The following PAK5 variants were observed in gnomAD, a reference collection of about 807,000 sequenced individuals.
The protein encoded by PAK5 is serine/threonine-protein kinase PAK 5.
In PAK5, 16 loss-of-function variants were observed where a neutral mutation model predicts 65.9. The observed-to-expected ratio is 0.24, with a 90% confidence interval of 0.16 to 0.37. PAK5 has a LOEUF of 0.37. PAK5 is among the 10% of genes least tolerant of loss of function. PAK5 has a pLI of 1.00. For missense variants in PAK5, 785 were observed against 903.9 expected (o/e 0.87, Z 1.69); for synonymous variants, 371 against 354.9 (o/e 1.05, Z -0.51).
intron 2 of PAK5, among the ~76,000 whole-genome samples, chr20:9,650,695 T>C (rs1225427888): frequency 6.6e-6 from 1 of 152,140 alleles, no homozygotes; most frequent in African/African-American, 2.4e-5. Flanking sequence ...AGGTAAACCC[T>C]TCTGGAGTGC....
At chr20:9,600,558 G>T (rs2046341797) in intron 3 of PAK5, among the ~76,000 whole-genome samples, 1 of 152,054 alleles carries the variant, frequency 6.6e-6, no homozygotes, top group Non-Finnish European at 1.5e-5. Flanking sequence ...AAGCTCTTTA[G>T]CTTCAGAGTG....
intron 2 of PAK5, among the ~76,000 whole-genome samples, chr20:9,659,786 A>G (rs2047319457): frequency 6.6e-6 from 1 of 152,152 alleles, no homozygotes; most frequent in South Asian, 2.1e-4. Context: ...GTCATTGGAT[A>G]TTGCCTTGTC....
intron 2 of PAK5, among the ~76,000 whole-genome samples, chr20:9,650,832 T>C (rs1045897217): frequency 6.6e-6 from 1 of 152,172 alleles, no homozygotes; most frequent in African/African-American, 2.4e-5. Flanking sequence ...CCACCACCCA[T>C]TAAAAGGGGC....
At chr20:9,683,686 T>C (rs944761595) in intron 2 of PAK5, among the ~76,000 whole-genome samples, 2 of 152,144 alleles carry the variant, frequency 1.3e-5, no homozygotes, top group Non-Finnish European at 2.9e-5. Context: ...CCAGGGTATT[T>C]CTTTCCTTTT....
chr20:9,664,467 T>C (rs1405756187), intron 2 of PAK5, among the ~76,000 whole-genome samples: 3 of 152,186 alleles, frequency 2.0e-5, no homozygotes, highest in East Asian at 1.9e-4. Flanking sequence ...CAACAAGGCA[T>C]ATATCAAAAA....
chr20:9,826,751 C>T (rs979742332), intron 1 of PAK5, among the ~76,000 whole-genome samples: 2 of 152,114 alleles, frequency 1.3e-5, no homozygotes, highest in Non-Finnish European at 2.9e-5. Flanking sequence ...AACATTGGTG[C>T]CGAAGACTTG....
At chr20:9,783,841 C>G (rs745731442) in intron 1 of PAK5, among the ~76,000 whole-genome samples, 2 of 152,166 alleles carry the variant, frequency 1.3e-5, no homozygotes, top group Non-Finnish European at 2.9e-5. Flanking sequence ...CAAAACAGCT[C>G]TTACCTCCCC....
intron 1 of PAK5, among the ~76,000 whole-genome samples, chr20:9,743,880 T>G (rs1209106832): frequency 6.6e-6 from 1 of 152,188 alleles, no homozygotes; most frequent in African/African-American, 2.4e-5. Context: ...CAAGTGTGAT[T>G]AAGCTCAGGA....
intron 3 of PAK5, among the ~76,000 whole-genome samples, chr20:9,613,960 G>A (rs2046610355): frequency 6.6e-6 from 1 of 152,024 alleles, no homozygotes; most frequent in Admixed American, 6.5e-5. Flanking sequence ...CAATCACAAG[G>A]CATAAAAAAA....
intron 2 of PAK5, among the ~76,000 whole-genome samples, chr20:9,657,377 T>G (rs1306217651): frequency 6.6e-6 from 1 of 152,178 alleles, no homozygotes; most frequent in East Asian, 1.9e-4. Context: ...TGTACCATAC[T>G]TTGTTTAACC....
At chr20:9,774,251 C>T (rs1445975081) in intron 1 of PAK5, among the ~76,000 whole-genome samples, 4 of 152,194 alleles carry the variant, frequency 2.6e-5, no homozygotes, top group Admixed American at 6.5e-5. Flanking sequence ...CCCAACACTT[C>T]TCTTCTGAAA....
At chr20:9,610,881 AG>A (rs1398611139) in intron 3 of PAK5, among the ~76,000 whole-genome samples, 2 of 152,174 alleles carry the variant, frequency 1.3e-5, no homozygotes, top group Non-Finnish European at 2.9e-5. Context: ...TAAGGGAGCT[AG>A]GTGGGCCCAT....
chr20:9,742,575 T>C (rs910209928), intron 1 of PAK5, among the ~76,000 whole-genome samples: 15 of 152,192 alleles, frequency 9.9e-5, no homozygotes, highest in African/African-American at 3.6e-4. Context: ...GACATTCCAC[T>C]CACAACCTTT....
At chr20:9,665,083 C>CTTTTTTTTTTTTTTTTTTTT (rs1555910631) in intron 2 of PAK5, among the ~76,000 whole-genome samples, 6 of 42,572 alleles carry the variant, frequency 1.4e-4, no homozygotes, top group African/African-American at 6.7e-4. Flanking sequence ...CTAAATTTTT[C>CTTTTTTTTTTTTTTTTTTTT]TGTTTTTTTT....
At chr20:9,708,103 C>G (rs2048031311) in intron 2 of PAK5, among the ~76,000 whole-genome samples, 1 of 152,116 alleles carries the variant, frequency 6.6e-6, no homozygotes, top group South Asian at 2.1e-4. Flanking sequence ...TCCTTGGGAA[C>G]AGGAGCAATT....
At chr20:9,626,970 CA>C (rs890766886) in intron 3 of PAK5, among the ~76,000 whole-genome samples, 1 of 151,058 alleles carries the variant, frequency 6.6e-6, no homozygotes, top group South Asian at 2.1e-4. Context: ...ATTCAAAATT[CA>C]AAAAAAAGAC....
At chr20:9,674,991 G>A (rs1276926972) in intron 2 of PAK5, among the ~76,000 whole-genome samples, 1 of 152,174 alleles carries the variant, frequency 6.6e-6, no homozygotes, top group East Asian at 1.9e-4. Context: ...GTGGCCCAAG[G>A]AGGGGGAACT....
chr20:9,831,790 G>A (rs753011502), intron 1 of PAK5, among the ~76,000 whole-genome samples: 8 of 152,134 alleles, frequency 5.3e-5, no homozygotes, highest in Non-Finnish European at 1.0e-4. Context: ...TTACAGGTGT[G>A]AGCCACCGTG....
At chr20:9,830,261 C>T (rs1179101722) in intron 1 of PAK5, among the ~76,000 whole-genome samples, 3 of 152,146 alleles carry the variant, frequency 2.0e-5, no homozygotes, top group African/African-American at 7.2e-5. Context: ...TTTTTCTCTT[C>T]CACTTACAAG....
Sources: gnomAD v4.1 joint callset for allele counts (sites outside exome capture counted in the v4.1 genomes callset) on GRCh38, gnomAD v4.1.1 for gene constraint, MANE v1.5 for transcripts, NCBI Gene and HGNC (gene_info 2026-07-23, HGNC 2026-07-21) for gene names.